The following LRRC4C variants were observed in gnomAD, a reference collection of about 807,000 sequenced individuals.
The protein encoded by LRRC4C is leucine-rich repeat-containing protein 4C.
LRRC4C carries 5 observed loss-of-function variants against 33.6 expected under a neutral mutation model. That is an observed-to-expected ratio of 0.15 (90% CI 0.08 to 0.31). LRRC4C has a LOEUF of 0.31. Ranked by LOEUF, LRRC4C falls within the 10% of genes least tolerant of loss-of-function variation. LRRC4C has a pLI of 1.00. For synonymous variants in LRRC4C, 329 were observed against 302.0 expected (o/e 1.09, Z -0.93); for missense variants, 560 against 796.7 (o/e 0.70, Z 3.58).
intron 3 of LRRC4C, among the ~76,000 whole-genome samples, chr11:40,563,423 C>T (rs1404083871): frequency 6.6e-6 from 1 of 152,118 alleles, no homozygotes; most frequent in Non-Finnish European, 1.5e-5. Context: ...CTGAGAGTAA[C>T]AACACCTACA....
intron 4 of LRRC4C, among the ~76,000 whole-genome samples, chr11:40,246,670 G>C (rs1223870246): frequency 6.6e-6 from 1 of 151,836 alleles, no homozygotes; most frequent in Admixed American, 6.6e-5. Context: ...TCTGGTTTGA[G>C]CCCTCAAATC....
rs150543018 is a variant in LRRC4C at position 40,649,455 on chromosome 11, G to A, written c.-406-1177C>T. Among the ~76,000 whole-genome samples the A allele has an allele frequency of 8.4e-3, 1,280 of 152,160 alleles. 15 individuals are homozygous for A. The highest frequency in any genetic ancestry group is 0.028 in the African/African-American group (1,177 of 41,512). ...ATATGGCTCTATTCTGCCCGACCCCGCAGGCAGTCAGACCATATGGTTGTC... is the reference window on the plus strand; with the variant it reads ...ATATGGCTCTATTCTGCCCGACCCCACAGGCAGTCAGACCATATGGTTGTC... On this transcript the variant is annotated intron_variant, in intron 2 of 6. Coordinates refer to ENST00000528697, the MANE Select transcript of LRRC4C (RefSeq NM_001258419.2).
chr11:40,154,997 CA>C (rs1458808146), intron 5 of LRRC4C, among the ~76,000 whole-genome samples: 77 of 152,238 alleles, frequency 5.1e-4, no homozygotes, highest in African/African-American at 1.8e-3. Flanking sequence ...GAAATTATAT[CA>C]AGCACTCTCT....
intron 2 of LRRC4C, among the ~76,000 whole-genome samples, chr11:40,836,152 T>A (rs1238842626): frequency 6.6e-6 from 1 of 152,184 alleles, no homozygotes; most frequent in Admixed American, 6.5e-5. Flanking sequence ...TACACAGAGT[T>A]CTGTCTCCAG....
intron 6 of LRRC4C, among the ~76,000 whole-genome samples, chr11:40,125,507 T>G (rs1043173462): frequency 2.0e-5 from 3 of 152,172 alleles, no homozygotes; most frequent in African/African-American, 7.2e-5. Context: ...ATTTTTCTGG[T>G]TACATGCAGC....
At chr11:41,063,888 A>T (rs1416397935) in intron 1 of LRRC4C, among the ~76,000 whole-genome samples, 1 of 152,194 alleles carries the variant, frequency 6.6e-6, no homozygotes, top group Non-Finnish European at 1.5e-5. Context: ...GTGGTGGAAG[A>T]TATGCTGCTG....
chr11:40,858,129 G>T (rs1253903695), intron 2 of LRRC4C, among the ~76,000 whole-genome samples: 1 of 151,978 alleles, frequency 6.6e-6, no homozygotes, highest in Non-Finnish European at 1.5e-5. Flanking sequence ...AAAAAATGTA[G>T]TTCCTCAGTT....
At chr11:41,021,189 GAGAGAGAGAGAGA>G (rs1855945187) in intron 1 of LRRC4C, among the ~76,000 whole-genome samples, 1 of 142,972 alleles carries the variant, frequency 7.0e-6, no homozygotes, top group African/African-American at 2.6e-5. Context: ...GAGAGAGAGA[GAGAGAGAGAGAGA>G]GAGAGAGAGA....
chr11:40,503,792 G>A (rs1954898674), intron 3 of LRRC4C, among the ~76,000 whole-genome samples: 1 of 152,120 alleles, frequency 6.6e-6, no homozygotes, highest in Admixed American at 6.6e-5. Flanking sequence ...TTATTAGTGT[G>A]GTTTTAATCT....
chr11:40,515,204 T>C (rs1955513496), intron 3 of LRRC4C, among the ~76,000 whole-genome samples: 1 of 152,114 alleles, frequency 6.6e-6, no homozygotes, highest in Non-Finnish European at 1.5e-5. Context: ...ATAAACCATG[T>C]ATTTTTTCAC....
At chr11:40,633,387 CTTTCTTTCT>C (rs1565581177) in intron 3 of LRRC4C, among the ~76,000 whole-genome samples, 25 of 119,198 alleles carry the variant, frequency 2.1e-4, no homozygotes, top group African/African-American at 9.0e-4. Context: ...CTCTTTCTTT[CTTTCTTTCT>C]TTTTTTTTTT....
chr11:40,597,436 T>C (rs1591229182), intron 3 of LRRC4C, among the ~76,000 whole-genome samples: 1 of 152,142 alleles, frequency 6.6e-6, no homozygotes, highest in South Asian at 2.1e-4. Flanking sequence ...ATTGTCCAAA[T>C]TATTCTTCAG....
chr11:40,990,644 C>A (rs1853470909), intron 1 of LRRC4C, among the ~76,000 whole-genome samples: 2 of 152,100 alleles, frequency 1.3e-5, no homozygotes, highest in Admixed American at 6.5e-5. Context: ...ATTGCGTTGA[C>A]ATTCTCAATG....
chr11:40,348,194 A>C (rs779670698), intron 3 of LRRC4C, among the ~76,000 whole-genome samples: 7 of 132,516 alleles, frequency 5.3e-5, no homozygotes, highest in East Asian at 2.4e-4. Flanking sequence ...TGTGACACAG[A>C]GACATGTTAT....
Position 40,809,523 on chromosome 11 carries a change from C to G in LRRC4C, c.-407+124112G>C, listed in dbSNP as rs555004917. On this transcript the variant is annotated intron_variant, in intron 2 of 6. Transcript: ENST00000528697. Reference sequence around the variant, plus strand: ...TCCTACCTATATCCCTCCCCTGCTGCATTTTTTTCTATAGAACTTTTTGCT... The same window carrying G: ...TCCTACCTATATCCCTCCCCTGCTGGATTTTTTTCTATAGAACTTTTTGCT... Among the ~76,000 whole-genome samples the G allele has an allele frequency of 2.6e-5, 4 of 152,222 alleles. No homozygotes were observed. The South Asian group carries it at 8.3e-4, about 32-fold the overall frequency.
intron 3 of LRRC4C, among the ~76,000 whole-genome samples, chr11:40,332,340 A>G (rs552042409): frequency 6.6e-6 from 1 of 152,268 alleles, no homozygotes; most frequent in Admixed American, 6.5e-5. Context: ...CTCCATCTTC[A>G]TATGGCCTTC....
At chr11:40,826,720 G>A (rs933872511) in intron 2 of LRRC4C, among the ~76,000 whole-genome samples, 2 of 151,914 alleles carry the variant, frequency 1.3e-5, no homozygotes, top group African/African-American at 2.4e-5. Context: ...GGCAATTCAA[G>A]TAGTCCTGAT....
rs150962404 is a variant in LRRC4C, at chr11:40,182,091, A to G, written c.-95-41238T>C. On this transcript the variant is annotated intron_variant, in intron 5 of 6. Coordinates refer to ENST00000528697, the MANE Select transcript of LRRC4C (RefSeq NM_001258419.2). ...CAAATGTTCAAATGTATTTCTGCCT[A>G]TTAATTTGAAAGCACTTAAAATATA... Among the ~76,000 whole-genome samples, 1,012 of 152,356 alleles carry G rather than the reference A, an allele frequency of 6.6e-3. 16 individuals carry two copies. The highest frequency in any genetic ancestry group is 0.023 in the African/African-American group (958 of 41,580).
intron 2 of LRRC4C, among the ~76,000 whole-genome samples, chr11:40,827,642 T>C (rs955098327): frequency 6.6e-6 from 1 of 151,862 alleles, no homozygotes; most frequent in African/African-American, 2.4e-5. Context: ...GTTCAGTCTG[T>C]AGATGCTTTT....
Sources: allele counts gnomAD v4.1 joint callset (sites outside exome capture counted in the v4.1 genomes callset), GRCh38; gene constraint gnomAD v4.1.1; transcripts MANE v1.5; gene names NCBI Gene and HGNC (gene_info 2026-07-23, HGNC 2026-07-21).